UTS2B: variants seen among roughly 807,000 people sequenced by gnomAD.
UTS2B encodes the protein urotensin 2B, also known as urotensin-2B.
A neutral mutation model predicts 19.2 loss-of-function variants in UTS2B; 21 were observed. The observed-to-expected ratio is 1.09, with a 90% CI of 0.78 to 1.58. The LOEUF (loss-of-function observed/expected upper bound fraction) is 1.58. UTS2B is among the 40% of genes most tolerant of loss of function. The pLI is 0.00. For missense variants in UTS2B, 138 were observed against 130.3 expected, an observed-to-expected ratio of 1.06 and a Z score of -0.29; for synonymous variants, 57 against 50.2, an observed-to-expected ratio of 1.14 and a Z score of -0.58.
At chr3:191,292,424 T>C (rs1415117612) in intron 4 of UTS2B, among the ~76,000 whole-genome samples, 1 of 152,210 alleles carries the variant, frequency 6.6e-6, no homozygotes, top group Non-Finnish European at 1.5e-5. Context: ...GGACATGAAA[T>C]TGTCCTATAA....
chr3:191,270,334 C>CT (rs1716053965), intron 8 of UTS2B, among the ~76,000 whole-genome samples: 1 of 152,118 alleles, frequency 6.6e-6, no homozygotes, highest in Non-Finnish European at 1.5e-5. Flanking sequence ...GTACTTGGGA[C>CT]TACTAGCATG....
At chr3:191,319,206 A>G (rs1324023036) in intron 2 of UTS2B, among the ~76,000 whole-genome samples, 2 of 152,000 alleles carry the variant, frequency 1.3e-5, no homozygotes, top group African/African-American at 2.4e-5. Flanking sequence ...CTATCATCCT[A>G]CTCTAGTCCC....
chr3:191,330,222 C>T (rs552993161), intron 1 of UTS2B, among the ~76,000 whole-genome samples, 192 bp downstream of exon 1: 1 of 152,196 alleles, frequency 6.6e-6, no homozygotes, highest in African/African-American at 2.4e-5. Context: ...CCACCTTCCT[C>T]AAGGTTTAAA....
intron 2 of UTS2B, among the ~76,000 whole-genome samples, chr3:191,319,092 T>C (rs1444601720): frequency 2.6e-5 from 4 of 152,086 alleles, no homozygotes; most frequent in Admixed American, 6.6e-5. Flanking sequence ...GCTGACACTT[T>C]GCTGAATTTT....
chr3:191,278,211 G>A (rs780103290), intron 5 of UTS2B, 41 bp from the exon 6 acceptor site: 26 of 1,115,122 alleles, frequency 2.3e-5, no homozygotes, highest in East Asian at 8.0e-5. Context: ...TTGAGTCACC[G>A]AAAATATTTC....
intron 4 of UTS2B, among the ~76,000 whole-genome samples, chr3:191,295,769 A>G (rs1405071611): frequency 1.3e-5 from 2 of 152,176 alleles, no homozygotes; most frequent in East Asian, 3.9e-4. Flanking sequence ...TTCATTGAAG[A>G]AACTCTTTCC....
At chr3:191,292,502 TA>T (rs1716746902) in intron 4 of UTS2B, among the ~76,000 whole-genome samples, 1 of 152,252 alleles carries the variant, frequency 6.6e-6, no homozygotes. Flanking sequence ...ATTGATCTTA[TA>T]TTTTGCAATC....
intron 2 of UTS2B, among the ~76,000 whole-genome samples, chr3:191,320,702 T>C (rs534475013): frequency 1.2e-3 from 179 of 152,310 alleles, no homozygotes; most frequent in South Asian, 7.0e-3. Context: ...TTGAGTTGAC[T>C]GAATCTGCTG....
At chr3:191,270,929 G>A (rs1560130914) in intron 8 of UTS2B, among the ~76,000 whole-genome samples, 1 of 152,184 alleles carries the variant, frequency 6.6e-6, no homozygotes, top group African/African-American at 2.4e-5. Flanking sequence ...CAAAGGGCCA[G>A]TTGTGGTGGC....
intron 7 of UTS2B, 30 bp from the exon 8 acceptor site, chr3:191,275,375 G>C: frequency 6.3e-7 from 1 of 1,575,486 alleles, no homozygotes; most frequent in Non-Finnish European, 8.7e-7. Context: ...ATAATTAATT[G>C]GTCTTCTATA....
rs1329250070 is a variant in UTS2B, at chr3:191,294,946, G to A, written c.-125+9546C>T. On this transcript the variant is annotated intron_variant, in intron 4 of 8. Transcript: ENST00000340524. ...CTCAGGAGGCTTAGTTATAAGAATC[G>A]CTTGATCCTGGGAGATTGAGCTTCC... Among the ~76,000 whole-genome samples, 4 of 151,792 alleles carry A rather than the reference G, an allele frequency of 2.6e-5. 1 individual carries two copies. Among genetic ancestry groups the A allele is most frequent in the East Asian group, 1.9e-4 (1 of 5,186 alleles).
intron 3 of UTS2B, among the ~76,000 whole-genome samples, chr3:191,315,197 G>A (rs1340789308): frequency 6.6e-6 from 1 of 152,056 alleles, no homozygotes; most frequent in Non-Finnish European, 1.5e-5. Context: ...ATTTTTAGTA[G>A]AGATGGGGTT....
chr3:191,308,162 G>A (rs1007934316), intron 3 of UTS2B, among the ~76,000 whole-genome samples: 9 of 152,138 alleles, frequency 5.9e-5, no homozygotes, highest in African/African-American at 2.2e-4. Context: ...AGTGGAAAAC[G>A]CAGAAATAGT....
At chr3:191,315,997 A>AT (rs1212121021) in intron 3 of UTS2B, 39 bp downstream of exon 3, 1 of 152,178 alleles carries the variant, frequency 6.6e-6, no homozygotes, top group African/African-American at 2.4e-5. Context: ...ATTTATTCAA[A>AT]TTTCTGCAAA....
intron 3 of UTS2B, among the ~76,000 whole-genome samples, chr3:191,307,032 T>C (rs1462695477): frequency 6.6e-6 from 1 of 152,194 alleles, no homozygotes; most frequent in Non-Finnish European, 1.5e-5. Flanking sequence ...AAAGGTGGGT[T>C]ACTTACAGGA....
intron 4 of UTS2B, among the ~76,000 whole-genome samples, chr3:191,283,009 T>C (rs1716431414): frequency 6.6e-6 from 1 of 152,160 alleles, no homozygotes; most frequent in Non-Finnish European, 1.5e-5. Context: ...TGTTATAGTA[T>C]AATGACCTCC....
intron 4 of UTS2B, among the ~76,000 whole-genome samples, chr3:191,293,815 G>A (rs963423458): frequency 8.6e-5 from 13 of 152,006 alleles, no homozygotes; most frequent in African/African-American, 3.1e-4. Context: ...GTAGAAGTGA[G>A]GGCCTGGTGC....
chr3:191,317,216 G>A (rs1717484172), intron 2 of UTS2B, among the ~76,000 whole-genome samples: 2 of 152,222 alleles, frequency 1.3e-5, no homozygotes, highest in Admixed American at 1.3e-4. Flanking sequence ...GGGACCTGGT[G>A]CACTCTCCTC....
chr3:191,338,358 G>T, the UTS2B span, among the ~76,000 whole-genome samples: 3 of 152,104 alleles, frequency 2.0e-5, no homozygotes, highest in Admixed American at 1.3e-4. Context: ...GACTCTTTTT[G>T]TCTAGATGGG....
Sources: gnomAD v4.1 joint callset for allele counts (sites outside exome capture counted in the v4.1 genomes callset) on GRCh38, gnomAD v4.1.1 for gene constraint, MANE v1.5 for transcripts, NCBI Gene and HGNC (gene_info 2026-07-23, HGNC 2026-07-21) for gene names.